The following DCAF4 variants were observed in gnomAD, a reference collection of about 807,000 sequenced individuals.
DCAF4 encodes DDB1- and CUL4-associated factor 4.
DCAF4 carries 37 observed loss-of-function variants against 60.9 expected under a neutral mutation model. The observed-to-expected ratio is 0.61, with a 90% CI of 0.47 to 0.80. The LOEUF (loss-of-function observed/expected upper bound fraction) is 0.80, where lower values mean the gene tolerates loss of function less well. Ranked by LOEUF, DCAF4 falls within the 30% of genes least tolerant of loss-of-function variation. The pLI is 0.00. For missense variants in DCAF4, 577 were observed against 650.0 expected (o/e 0.89, Z 1.22); for synonymous variants, 243 against 254.8 (o/e 0.95, Z 0.44).
In DCAF4 at chr14:72,955,578, G is replaced by A. The variant is rs535665448; in HGVS notation, c.1061G>A (p.Arg354His). 8.7e-6 allele frequency: 14 copies of A among 1,614,110 alleles called. No homozygotes were observed. Among genetic ancestry groups the A allele is most frequent in the South Asian group, 5.5e-5 (5 of 91,080 alleles). Residue 354 changes from arginine (R) to histidine (H), a missense_variant, in exon 12 of 14, where the codon CGT (arginine) becomes CAT (histidine). Physicochemically the swap from Arg to His is conservative, Grantham distance 29. Coordinates refer to ENST00000358377, the MANE Select transcript of DCAF4 (RefSeq NM_015604.4). ...GGGGAAATCTTTGCCATTGATCTGC[G>A]TTGTGGAAATCAAGGCAAGGGATGG... is the stretch of plus-strand genomic sequence containing the variant. Reference protein sequence around the residue: ...RSGEIFAIDLRCGNQGKGWKA... With the variant: ...RSGEIFAIDLHCGNQGKGWKA...
intron 11 of DCAF4, among the ~76,000 whole-genome samples, chr14:72,955,286 C>T (rs1397280413): frequency 6.6e-6 from 1 of 152,024 alleles, no homozygotes; most frequent in Non-Finnish European, 1.5e-5. Flanking sequence ...TGGGGGGCAG[C>T]TCCTAGGACC....
rs1891472889 is a variant in DCAF4 at position 72,951,932 on chromosome 14, T to G, written c.808+55T>G. On this transcript the variant is annotated intron_variant, in intron 9 of 13. Transcript: ENST00000358377. ...TGTCCTCTGTCTCCCGAGAGCTGTG[T>G]GGGGGTGGCTTAGAGAGAAGTATGG... 8 of 1,595,660 alleles carry G rather than the reference T, an allele frequency of 5.0e-6. No homozygotes were observed. In the South Asian group the frequency reaches 7.7e-5, roughly 15 times the overall value.
intron 1 of DCAF4, among the ~76,000 whole-genome samples, chr14:72,932,851 G>T (rs1317161346): frequency 6.6e-6 from 1 of 152,062 alleles, no homozygotes; most frequent in Non-Finnish European, 1.5e-5. Context: ...CTGCAAGTGT[G>T]AGCCATCACA....
At chr14:72,947,313 C>A in intron 8 of DCAF4, 122 bp downstream of exon 8, 2 of 1,135,692 alleles carry the variant, frequency 1.8e-6, no homozygotes, top group East Asian at 2.4e-5. Flanking sequence ...TGTGCACTTA[C>A]ATCTCACGCT....
chr14:72,953,774 TTATTTATTTGTGTGTGTGTG>T (rs1405845971), intron 9 of DCAF4, among the ~76,000 whole-genome samples: 2 of 56,760 alleles, frequency 3.5e-5, no homozygotes. Context: ...GTTTATTTAT[TTATTTATTTGTGTGTGTGTG>T]TGTGTGTGTG....
chr14:72,929,721 A>T, intron 1 of DCAF4: 1 of 1,203,472 alleles, frequency 8.3e-7, no homozygotes, highest in South Asian at 1.2e-5. Flanking sequence ...GATGAACTTG[A>T]GGGCCCATTT....
chr14:72,949,445 G>A (rs1038924699), intron 8 of DCAF4, among the ~76,000 whole-genome samples: 1 of 152,060 alleles, frequency 6.6e-6, no homozygotes, highest in African/African-American at 2.4e-5. Flanking sequence ...GAAAGAGAGA[G>A]ACCCTGTCTC....
intron 2 of DCAF4, 87 bp downstream of exon 2, chr14:72,938,157 G>A: frequency 2.0e-6 from 3 of 1,469,926 alleles, no homozygotes; most frequent in Non-Finnish European, 2.7e-6. Flanking sequence ...CAGGTGTGGA[G>A]ATCACCTGGG....
At chr14:72,930,499 C>G (rs1001342920) in intron 1 of DCAF4, among the ~76,000 whole-genome samples, 15 of 152,186 alleles carry the variant, frequency 9.9e-5, no homozygotes. Flanking sequence ...GAACTGCTGT[C>G]CTCAAGTGAT....
intron 1 of DCAF4, among the ~76,000 whole-genome samples, chr14:72,934,704 CATCCTT>C (rs1407880375): frequency 6.6e-6 from 1 of 152,202 alleles, no homozygotes; most frequent in Non-Finnish European, 1.5e-5. Flanking sequence ...CCTGGGTCTT[CATCCTT>C]ATCCTGTGCT....
intron 1 of DCAF4, among the ~76,000 whole-genome samples, chr14:72,931,836 T>TA (rs1365020378): frequency 1.3e-5 from 2 of 152,190 alleles, no homozygotes; most frequent in Non-Finnish European, 2.9e-5. Flanking sequence ...TTGATTTTCA[T>TA]ATGTTGAACC....
At chr14:72,942,653 G>C in intron 5 of DCAF4, 1 of 219,812 alleles carries the variant, frequency 4.5e-6, no homozygotes, top group African/African-American at 2.3e-5. Context: ...GCTCTTCCCA[G>C]CAGCGGAGTG....
chr14:72,933,125 C>T (rs1191876389), intron 1 of DCAF4, among the ~76,000 whole-genome samples: 1 of 150,590 alleles, frequency 6.6e-6, no homozygotes, highest in Non-Finnish European at 1.5e-5. Flanking sequence ...ACCCACTAGG[C>T]GCTAGTAGCA....
rs1445409787 is a variant in DCAF4, at chr14:72,940,625, C to G, written c.351+248C>G. 2.2e-5 allele frequency: 8 copies of G among 357,768 alleles called. 1 individual carries two copies. Among genetic ancestry groups the G allele is most frequent in the African/African-American group, 2.3e-5 (1 of 43,440 alleles). 22.2% of individuals were successfully genotyped at this position (357,768 alleles called of 1,614,324 possible). A position where few individuals can be genotyped will look rare whatever the true frequency, so the allele number is the denominator to read the frequency against. ...TTTTTTTTTGAGGCGGAATCTCACT[C>G]TGTTGCCCAGGCTGGAGTACAGTGG... On this transcript the variant is annotated intron_variant, in intron 4 of 13. Transcript: ENST00000358377.
intron 1 of DCAF4, among the ~76,000 whole-genome samples, chr14:72,934,763 G>A (rs551349372): frequency 4.6e-5 from 7 of 152,190 alleles, no homozygotes; most frequent in South Asian, 4.1e-4. Context: ...TTAAACAATC[G>A]GTGCCTCCAA....
chr14:72,956,323 A>C (rs1892291245), intron 12 of DCAF4, 63 bp from the exon 13 acceptor site: 1 of 1,347,888 alleles, frequency 7.4e-7, no homozygotes, highest in African/African-American at 1.5e-5. Context: ...CTGGCTTTGC[A>C]CTTGGGGACC....
chr14:72,930,861 A>G (rs758310641), intron 1 of DCAF4, among the ~76,000 whole-genome samples: 5 of 152,166 alleles, frequency 3.3e-5, no homozygotes, highest in Non-Finnish European at 7.3e-5. Flanking sequence ...AGTTGAAAAG[A>G]CACTTCTTTC....
intron 9 of DCAF4, 33 bp from the exon 10 acceptor site, chr14:72,954,130 AG>A: frequency 6.2e-7 from 1 of 1,611,946 alleles, no homozygotes; most frequent in South Asian, 1.1e-5. Flanking sequence ...CCTAGAAGGC[AG>A]CCACACTTTA....
Position 72,958,846 on chromosome 14 carries a change from C to G in DCAF4, c.*41C>G, listed in dbSNP as rs766375341. On this transcript the variant is annotated 3_prime_UTR_variant, in exon 14 of 14. Coordinates refer to ENST00000358377, the MANE Select transcript of DCAF4 (RefSeq NM_015604.4). ...CCCAGAGCCATGTGGATTTGACTTA[C>G]GGGAGTAAAGCGTAACTTTTTACTG... 2 of 1,514,624 alleles carry G rather than the reference C, an allele frequency of 1.3e-6. No individual in the cohort carries two copies. Among genetic ancestry groups the G allele is most frequent in the Non-Finnish European group, 8.8e-7 (1 of 1,133,044 alleles). The allele number at this position is 1,514,624 out of a possible 1,614,324, so 93.8% of individuals were successfully genotyped here.
Sources: allele counts gnomAD v4.1 joint callset (sites outside exome capture counted in the v4.1 genomes callset), GRCh38; gene constraint gnomAD v4.1.1; transcripts MANE v1.5; gene names NCBI Gene and HGNC (gene_info 2026-07-23, HGNC 2026-07-21).